TENM2: variants seen among roughly 807,000 people sequenced by gnomAD.
TENM2 encodes the protein teneurin transmembrane protein 2, also known as teneurin-2.
In TENM2, 52 loss-of-function variants were observed where a neutral mutation model predicts 245.2. That is an observed-to-expected ratio of 0.21 (90% CI 0.17 to 0.27). The LOEUF (loss-of-function observed/expected upper bound fraction) is 0.27. Among genes scored for constraint, TENM2 ranks in the 10% least tolerant of loss-of-function variants. TENM2 has a pLI of 1.00. For missense variants in TENM2, 3,046 were observed against 3,666.8 expected, an observed-to-expected ratio of 0.83 and a Z score of 4.37; for synonymous variants, 1,363 against 1,438.9, an observed-to-expected ratio of 0.95 and a Z score of 1.19.
chr5:167,271,382 G>A, the TENM2 span, among the ~76,000 whole-genome samples: 5 of 152,030 alleles, frequency 3.3e-5, no homozygotes, highest in African/African-American at 7.2e-5. Context: ...TCCACATTTC[G>A]TATTGAAATT....
chr5:168,249,648 G>A (rs1332251493), intron 27 of TENM2, among the ~76,000 whole-genome samples: 1 of 152,158 alleles, frequency 6.6e-6, no homozygotes, highest in African/African-American at 2.4e-5. Flanking sequence ...AGCATGAAAG[G>A]AGGGGCCAAG....
chr5:167,702,910 G>T (rs1292931245), intron 2 of TENM2, among the ~76,000 whole-genome samples: 1 of 151,960 alleles, frequency 6.6e-6, no homozygotes. Flanking sequence ...TGATTCGCCC[G>T]CCTCAACCTC....
At chr5:168,113,053 A>G (rs1794806400) in intron 9 of TENM2, among the ~76,000 whole-genome samples, 1 of 152,234 alleles carries the variant, frequency 6.6e-6, no homozygotes, top group Non-Finnish European at 1.5e-5. Context: ...GTAGTGGCTC[A>G]TGCCTATAAT....
chr5:168,226,292 C>G (rs777976724), intron 24 of TENM2, 29 bp downstream of exon 26: 5 of 1,600,708 alleles, frequency 3.1e-6, no homozygotes, highest in Non-Finnish European at 3.4e-6. Context: ...CATCCTACCC[C>G]CAAACTCACC....
At chr5:168,111,394 C>A (rs1258710342) in intron 9 of TENM2, among the ~76,000 whole-genome samples, 2 of 152,120 alleles carry the variant, frequency 1.3e-5, no homozygotes, top group African/African-American at 2.4e-5. Flanking sequence ...CCCACTGAAA[C>A]CAACTAAAGC....
At chr5:167,228,736 G>C in the TENM2 span, among the ~76,000 whole-genome samples, 1 of 149,476 alleles carries the variant, frequency 6.7e-6, no homozygotes, top group Non-Finnish European at 1.5e-5. Flanking sequence ...ATGGAGTCTC[G>C]CTCTGTCGCC....
chr5:167,002,657 C>A, the TENM2 span, among the ~76,000 whole-genome samples: 160 of 150,912 alleles, frequency 1.1e-3, no homozygotes, highest in African/African-American at 2.6e-3. Context: ...GACAAAAAAA[C>A]CAAAAAAACA....
intron 1 of TENM2, among the ~76,000 whole-genome samples, chr5:167,320,316 G>T (rs1264046377): frequency 6.6e-6 from 1 of 152,082 alleles, no homozygotes; most frequent in Admixed American, 6.6e-5. Context: ...AACTAGTCCA[G>T]GCAGTACAAA....
chr5:168,190,232 C>T (rs1380767066), intron 13 of TENM2, 105 bp from the exon 16 acceptor site: 20 of 789,570 alleles, frequency 2.5e-5, no homozygotes, highest in Non-Finnish European at 4.1e-5. Context: ...CCCTTGGGTA[C>T]GTTTGATGCT....
intron 23 of TENM2, among the ~76,000 whole-genome samples, chr5:168,225,057 C>A (rs941777136): frequency 1.3e-5 from 2 of 152,188 alleles, no homozygotes; most frequent in Non-Finnish European, 2.9e-5. Context: ...CATTTGCAGG[C>A]AGTAGGGCAT....
chr5:167,375,620 A>G, intron 2 of TENM2, 147 bp downstream of exon 4: 1 of 804,644 alleles, frequency 1.2e-6, no homozygotes, highest in Admixed American at 2.9e-5. Context: ...AGCTGGGGGG[A>G]AGTAAACCAG....
At chr5:167,344,309 C>CATATATATAT (rs1298761207) in intron 1 of TENM2, among the ~76,000 whole-genome samples, 111 of 84,512 alleles carry the variant, frequency 1.3e-3, no homozygotes, top group African/African-American at 3.1e-3. Context: ...CACACACACA[C>CATATATATAT]ATATATATAT....
chr5:167,260,949 T>G, the TENM2 span, among the ~76,000 whole-genome samples: 2 of 152,214 alleles, frequency 1.3e-5, no homozygotes, highest in Non-Finnish European at 2.9e-5. Context: ...ACTAGGTCTT[T>G]AAATCCTCAT....
At chr5:168,110,580 C>G (rs1794602635) in intron 9 of TENM2, among the ~76,000 whole-genome samples, 1 of 152,180 alleles carries the variant, frequency 6.6e-6, no homozygotes, top group African/African-American at 2.4e-5. Flanking sequence ...TGCTGAGAGA[C>G]AGCATTGGAT....
chr5:168,162,484 G>T, intron 12 of TENM2, 127 bp from the exon 15 acceptor site: 1 of 947,248 alleles, frequency 1.1e-6, no homozygotes, highest in Non-Finnish European at 1.6e-6. Context: ...TGGAAGGCAG[G>T]CGCGGGCCCC....
chr5:167,851,893 T>C (rs1015322913), intron 2 of TENM2, among the ~76,000 whole-genome samples: 1 of 152,242 alleles, frequency 6.6e-6, no homozygotes, highest in Admixed American at 6.5e-5. Flanking sequence ...GTTATATCAA[T>C]TGATACTGTC....
At chr5:168,239,354 C>G (rs1765888759) in intron 25 of TENM2, among the ~76,000 whole-genome samples, 1 of 152,140 alleles carries the variant, frequency 6.6e-6, no homozygotes, top group South Asian at 2.1e-4. Context: ...CAAACCTGTG[C>G]TATCAAAAAA....
At chr5:167,292,586 T>G (rs1444260360) in intron 1 of TENM2, among the ~76,000 whole-genome samples, 1 of 152,238 alleles carries the variant, frequency 6.6e-6, no homozygotes, top group Non-Finnish European at 1.5e-5. Context: ...TTTTGAGTTT[T>G]TAAAACACGG....
At chr5:167,595,877 A>G (rs1442862912) in intron 2 of TENM2, among the ~76,000 whole-genome samples, 1 of 152,176 alleles carries the variant, frequency 6.6e-6, no homozygotes, top group African/African-American at 2.4e-5. Context: ...CTCCCCCATA[A>G]AATAAAGGAA....
Sources: gnomAD v4.1 joint callset for allele counts (sites outside exome capture counted in the v4.1 genomes callset) on GRCh38, gnomAD v4.1.1 for gene constraint, MANE v1.5 for transcripts, NCBI Gene and HGNC (gene_info 2026-07-23, HGNC 2026-07-21) for gene names.